Variants in SLC22A3 observed in about 807,000 individuals in gnomAD.
SLC22A3 encodes the protein solute carrier family 22 member 3, also known as EMT organic cation transporter 3.
SLC22A3 carries 51 observed loss-of-function variants against 59.1 expected under a neutral mutation model. The ratio of observed to expected loss-of-function variants is 0.86; its 90% CI spans 0.69 to 1.09. The LOEUF (loss-of-function observed/expected upper bound fraction) is 1.09. Among genes scored for constraint, SLC22A3 ranks in the 50% least tolerant of loss-of-function variants. The pLI, the probability that SLC22A3 is intolerant of heterozygous loss-of-function variation, is 0.00. For synonymous variants in SLC22A3, 325 were observed against 292.0 expected (o/e 1.11, Z -1.15); for missense variants, 711 against 726.3 (o/e 0.98, Z 0.24).
chr6:160,377,292 C>T (rs879483250), intron 1 of SLC22A3, among the ~76,000 whole-genome samples: 3 of 152,040 alleles, frequency 2.0e-5, no homozygotes, highest in Non-Finnish European at 4.4e-5. Context: ...CGAGACCAGC[C>T]TGGCCAATAT....
intron 2 of SLC22A3, among the ~76,000 whole-genome samples, chr6:160,400,589 G>T (rs1295945738): frequency 1.3e-5 from 2 of 151,874 alleles, no homozygotes; most frequent in Non-Finnish European, 2.9e-5. Context: ...ATTTATAGCA[G>T]TTCCGTTTAC....
chr6:160,402,728 A>C lies in SLC22A3; in HGVS notation c.534-4313A>C, dbSNP rs142619659. 9.7e-4 allele frequency among the ~76,000 whole-genome samples: 148 copies of C among 152,008 alleles called. No homozygotes were observed. The Middle Eastern group carries it at 0.014, about 14-fold the overall frequency. ...CAGAACATAGTGGAATTAAACTAGA[A>C]ATTCATAACAGAAGGATAGATGGAA... is the stretch of plus-strand genomic sequence containing the variant. On this transcript the variant is annotated intron_variant, in intron 2 of 10. Coordinates refer to ENST00000275300, the MANE Select transcript of SLC22A3 (RefSeq NM_021977.4).
intron 10 of SLC22A3, 43 bp downstream of exon 10, chr6:160,447,861 T>A (rs1788805080): frequency 7.3e-7 from 1 of 1,379,124 alleles, no homozygotes; most frequent in African/African-American, 1.4e-5. Flanking sequence ...AAGCAATATT[T>A]AAAACCACGG....
chr6:160,349,348 C>G (rs2114727364), intron 1 of SLC22A3, among the ~76,000 whole-genome samples: 1 of 152,282 alleles, frequency 6.6e-6, no homozygotes, highest in South Asian at 2.1e-4. Flanking sequence ...TTCCAGTTGC[C>G]CAAATGGTTA....
intron 1 of SLC22A3, among the ~76,000 whole-genome samples, chr6:160,370,940 A>C (rs1156283212): frequency 6.6e-6 from 1 of 152,162 alleles, no homozygotes; most frequent in Non-Finnish European, 1.5e-5. Context: ...CAGTTATTCA[A>C]GGCCTGGCTC....
At chr6:160,439,573 T>A (rs992826465) in intron 7 of SLC22A3, among the ~76,000 whole-genome samples, 75 of 152,242 alleles carry the variant, frequency 4.9e-4, no homozygotes, top group Non-Finnish European at 1.3e-4. Context: ...GTCATATAAC[T>A]ATTTTGTAGA....
At position 160,398,738 on chromosome 6, in the gene SLC22A3, C is replaced by A. The variant is rs114831160; in HGVS notation, c.533+656C>A. ...TTCATGTTTAACTCTATTTTTAATT[C>A]CAATTCTAACTATGAAAATACTTGC... On this transcript the variant is annotated intron_variant, in intron 2 of 10. Coordinates refer to ENST00000275300, the MANE Select transcript of SLC22A3 (RefSeq NM_021977.4). Among the ~76,000 whole-genome samples, 706 of 152,190 alleles carry A rather than the reference C, an allele frequency of 4.6e-3. 3 individuals are homozygous for A. The highest frequency in any genetic ancestry group is 0.016 in the African/African-American group (681 of 41,532).
chr6:160,370,827 T>C (rs1480441521), intron 1 of SLC22A3, among the ~76,000 whole-genome samples: 1 of 152,138 alleles, frequency 6.6e-6, no homozygotes, highest in African/African-American at 2.4e-5. Context: ...TATCATTAAG[T>C]TTTTAAGTCT....
At chr6:160,372,339 G>T (rs1785430517) in intron 1 of SLC22A3, among the ~76,000 whole-genome samples, 1 of 152,166 alleles carries the variant, frequency 6.6e-6, no homozygotes, top group African/African-American at 2.4e-5. Context: ...CTCTCTTCTG[G>T]ATTGTAGGGT....
At chr6:160,435,349 G>A (rs1788299350) in intron 5 of SLC22A3, among the ~76,000 whole-genome samples, 2 of 152,116 alleles carry the variant, frequency 1.3e-5, no homozygotes, top group Admixed American at 6.6e-5. Flanking sequence ...TTTAAACTGG[G>A]ACACATTTCT....
At chr6:160,387,050 C>T (rs540817719) in intron 1 of SLC22A3, among the ~76,000 whole-genome samples, 1 of 152,336 alleles carries the variant, frequency 6.6e-6, no homozygotes, top group East Asian at 1.9e-4. Context: ...CGCATGGCAT[C>T]AAGGCAGCCA....
At chr6:160,391,685 G>A (rs1786263592) in intron 1 of SLC22A3, among the ~76,000 whole-genome samples, 1 of 152,128 alleles carries the variant, frequency 6.6e-6, no homozygotes, top group Non-Finnish European at 1.5e-5. Context: ...GTTATTTAGA[G>A]AAATTGTAAA....
chr6:160,435,679 G>A (rs1035620927), intron 5 of SLC22A3, among the ~76,000 whole-genome samples: 2 of 152,282 alleles, frequency 1.3e-5, no homozygotes, highest in African/African-American at 4.8e-5. Flanking sequence ...AAGCTTTGGG[G>A]AAAATGTGCC....
At chr6:160,434,674 T>C (rs899659842) in intron 5 of SLC22A3, among the ~76,000 whole-genome samples, 3 of 152,206 alleles carry the variant, frequency 2.0e-5, no homozygotes, top group Non-Finnish European at 4.4e-5. Context: ...TCTATGGAGT[T>C]CCTATCTTTC....
chr6:160,400,344 G>GAT (rs1481355122), intron 2 of SLC22A3, among the ~76,000 whole-genome samples: 1 of 151,778 alleles, frequency 6.6e-6, no homozygotes, highest in Non-Finnish European at 1.5e-5. Context: ...CCTTCCAAGT[G>GAT]GAGAAAGAGA....
chr6:160,386,914 C>T (rs561174873), intron 1 of SLC22A3, among the ~76,000 whole-genome samples: 211 of 152,356 alleles, frequency 1.4e-3, no homozygotes, highest in Admixed American at 2.7e-3. Context: ...CTGCACACTT[C>T]CCAGGCCGCT....
At position 160,436,777 on chromosome 6, in the gene SLC22A3, T is replaced by A. The variant is rs1788350345; in HGVS notation, c.976-3T>A. ...GCTACTGAAATCTGCTTTTCTTATA[T>A]AGATCACTGTTACAGATGAGGAAGT... On this transcript the variant is annotated splice_polypyrimidine_tract_variant and splice_region_variant and intron_variant, in intron 5 of 10. Coordinates refer to ENST00000275300, the MANE Select transcript of SLC22A3 (RefSeq NM_021977.4). 6.3e-7 allele frequency: 1 copy of A among 1,598,380 alleles called. No individual in the cohort carries two copies. The highest frequency in any genetic ancestry group is 1.7e-5 in the Admixed American group (1 of 59,992).
In SLC22A3 at chr6:160,437,155, C is replaced by T. The variant is rs537020286; in HGVS notation, c.1232C>T (p.Ala411Val). The T allele has an allele frequency of 9.3e-6, 15 of 1,614,028 alleles. No homozygotes were observed. The highest frequency in any genetic ancestry group is 2.2e-5 in the South Asian group (2 of 91,086). Reference protein sequence around the residue: ...IERLGRRLPFAASNIVAGVAC... With the variant: ...IERLGRRLPFVASNIVAGVAC... ...CGCCTTGGACGACGCCTCCCCTTTG[C>T]GGCAAGCAATATAGTGGCAGGGGTG... The change falls in exon 7 of 11, where the codon GCG (alanine) becomes GTG (valine). Residue 411 changes from alanine to valine, a missense_variant. By Grantham distance (64) the Ala-to-Val change is moderately conservative (BLOSUM62 0). Coordinates refer to ENST00000275300, the MANE Select transcript of SLC22A3 (RefSeq NM_021977.4).
chr6:160,386,997 T>A (rs1562479063), intron 1 of SLC22A3, among the ~76,000 whole-genome samples: 1 of 152,140 alleles, frequency 6.6e-6, no homozygotes, highest in African/African-American at 2.4e-5. Flanking sequence ...GGAGTCCTCC[T>A]CCAGCAGGGT....
Sources: allele counts gnomAD v4.1 joint callset (sites outside exome capture counted in the v4.1 genomes callset), GRCh38; gene constraint gnomAD v4.1.1; transcripts MANE v1.5; gene names NCBI Gene and HGNC (gene_info 2026-07-23, HGNC 2026-07-21).